Variants in TPR observed in about 807,000 individuals in gnomAD.
TPR encodes the protein nucleoprotein TPR.
In TPR, 51 loss-of-function variants were observed where a neutral mutation model predicts 316.1. The observed-to-expected ratio is 0.16, with a 90% CI of 0.13 to 0.20. The LOEUF (loss-of-function observed/expected upper bound fraction) is 0.20, where lower values mean the gene tolerates loss of function less well. TPR is among the 10% of genes least tolerant of loss of function. The pLI, the probability that TPR is intolerant of heterozygous loss-of-function variation, is 1.00. For synonymous variants in TPR, 981 were observed against 914.7 expected (o/e 1.07, Z -1.31); for missense variants, 2,272 against 2,754.8 (o/e 0.82, Z 3.92).
At chr1:186,366,835 T>TA (rs138321117) in intron 4 of TPR, among the ~76,000 whole-genome samples, 6,860 of 151,990 alleles carry the variant, frequency 0.045, 508 homozygotes, top group African/African-American at 0.16. Context: ...TACACATTTT[T>TA]AAAAAACTAT....
intron 19 of TPR, 139 bp from the exon 20 acceptor site, chr1:186,351,609 A>G: frequency 1.1e-6 from 1 of 886,070 alleles, no homozygotes; most frequent in Non-Finnish European, 1.6e-6. Context: ...TTATCAAGAA[A>G]GTATTCTGGT....
chr1:186,355,864 C>G, intron 15 of TPR, 96 bp from the exon 16 acceptor site: 1 of 1,389,074 alleles, frequency 7.2e-7, no homozygotes, highest in Middle Eastern at 1.9e-4. Flanking sequence ...ATCAAATAAA[C>G]AAGCTAAACT....
intron 48 of TPR, 113 bp downstream of exon 48, chr1:186,318,334 A>G (rs1296785444): frequency 4.3e-6 from 6 of 1,411,078 alleles, no homozygotes; most frequent in Non-Finnish European, 3.8e-6. Context: ...TCTCAAAAAA[A>G]AAAACAAAAA....
At chr1:186,359,276 G>GA (rs1277550676) in intron 12 of TPR, among the ~76,000 whole-genome samples, 1 of 151,860 alleles carries the variant, frequency 6.6e-6, no homozygotes, top group Non-Finnish European at 1.5e-5. Flanking sequence ...CTCTTAAAAG[G>GA]AAAAAATCTT....
chr1:186,322,289 T>C (rs775092006), intron 45 of TPR, 29 bp downstream of exon 45: 5 of 1,577,438 alleles, frequency 3.2e-6, no homozygotes, highest in Non-Finnish European at 4.3e-6. Context: ...TGATTAGTTA[T>C]AAAGTATGTT....
Position 186,312,835 on chromosome 1 carries a change from C to A in TPR, c.*1136G>T. 1 of 1,611,716 alleles carries A rather than the reference C, an allele frequency of 6.2e-7. No individual in the cohort carries two copies. Among genetic ancestry groups the A allele is most frequent in the Non-Finnish European group, 8.5e-7 (1 of 1,177,812 alleles). ...GGACTTCCAAATGTGGTTACCTCAG[C>A]TATATCACTGCCCAACATCAGAAAA... is the stretch of plus-strand genomic sequence containing the variant. On this transcript the variant is annotated 3_prime_UTR_variant, in exon 51 of 51. Transcript: ENST00000367478.
chr1:186,343,693 C>T (rs1658586250), intron 26 of TPR, among the ~76,000 whole-genome samples: 1 of 152,246 alleles, frequency 6.6e-6, no homozygotes, highest in South Asian at 2.1e-4. Context: ...TTTAGTTTTT[C>T]AAGAGAAAAC....
chr1:186,316,208 T>C (rs1254999353), intron 49 of TPR, among the ~76,000 whole-genome samples: 1 of 152,148 alleles, frequency 6.6e-6, no homozygotes, highest in East Asian at 1.9e-4. Flanking sequence ...TAATCATTAA[T>C]ATGATTGTTA....
intron 4 of TPR, among the ~76,000 whole-genome samples, chr1:186,366,357 A>G (rs1444510189): frequency 3.9e-5 from 6 of 152,208 alleles, no homozygotes; most frequent in Non-Finnish European, 1.5e-5. Flanking sequence ...GATTTTCTTA[A>G]CATTTTTTTC....
In TPR at chr1:186,332,441, A is replaced by G; in HGVS notation, c.5456-98T>C. The G allele has an allele frequency of 4.8e-6, 6 of 1,239,516 alleles. No homozygotes were observed. In the Admixed American group the frequency reaches 1.2e-4, roughly 24 times the overall value. 76.8% of individuals were successfully genotyped at this position (1,239,516 alleles called of 1,614,324 possible). ...TGGTCACTTAACTAAAGGAGAACACAGTAAACATTTAATTGTACAGATTAC... is the reference window on the plus strand; with the variant it reads ...TGGTCACTTAACTAAAGGAGAACACGGTAAACATTTAATTGTACAGATTAC... On this transcript the variant is annotated intron_variant, in intron 37 of 50. Coordinates refer to ENST00000367478, the MANE Select transcript of TPR (RefSeq NM_003292.3).
chr1:186,331,811 T>C (rs1190788913), intron 38 of TPR, among the ~76,000 whole-genome samples: 1 of 152,124 alleles, frequency 6.6e-6, no homozygotes, highest in Non-Finnish European at 1.5e-5. Flanking sequence ...GTAGCCTTAA[T>C]GTTTGATTTG....
intron 21 of TPR, among the ~76,000 whole-genome samples, chr1:186,349,971 G>A (rs1658811947): frequency 6.6e-6 from 1 of 152,090 alleles, no homozygotes; most frequent in Admixed American, 6.5e-5. Flanking sequence ...ATAGTTTCAA[G>A]AATTAGAAAG....
chr1:186,370,667 C>G (rs1659494492), intron 3 of TPR, among the ~76,000 whole-genome samples: 1 of 152,096 alleles, frequency 6.6e-6, no homozygotes. Context: ...TATAAAACTA[C>G]CCTAAGGAAA....
At chr1:186,344,173 G>T in intron 25 of TPR, 83 bp from the exon 26 acceptor site, 1 of 1,481,278 alleles carries the variant, frequency 6.8e-7, no homozygotes, top group Non-Finnish European at 9.0e-7. Flanking sequence ...GGTGGCTAAC[G>T]CCTGTAATCC....
At position 186,355,733 on chromosome 1, in the gene TPR, G is replaced by C. The variant is rs931681193; in HGVS notation, c.1924C>G (p.Pro642Ala). 5.6e-6 allele frequency: 9 copies of C among 1,613,962 alleles called. No individual in the cohort carries two copies. In the African/African-American group the frequency reaches 9.3e-5, roughly 17 times the overall value. ...SLDDVSLAST[P>A]KRPSTSQTVS... ...GTCTGTGATGTACTTGGACGTTTTG[G>C]AGTTGATGCAAGAGAAACATCATCT... Residue 642 changes from proline (P) to alanine (A), a missense_variant, in exon 16 of 51, where the codon CCA (proline) becomes GCA (alanine). Pro to Ala is a conservative substitution (Grantham distance 27). This residue lies in a region of TPR where 757 missense variants were observed against 859.8 expected (regional missense o/e 0.88). Coordinates refer to ENST00000367478, the MANE Select transcript of TPR (RefSeq NM_003292.3).
rs772261299 is a variant in TPR, at chr1:186,345,684, T to C, written c.3109A>G (p.Lys1037Glu). Residue 1037 changes from lysine (K) to glutamate (E), a missense_variant, in exon 24 of 51, where the codon AAG becomes GAG. This residue lies in a region of TPR where 757 missense variants were observed against 859.8 expected (regional missense o/e 0.88). Transcript: ENST00000367478. The part of the protein sequence containing the change: ...ESMEQQLSEL[K>E]KTLSSVQNEV... Reference sequence around the variant, plus strand: ...TTCTGAACACTAGAAAGTGTTTTCTTCAATTCAGATAACTAAGCAGAAAGA... The same window carrying C: ...TTCTGAACACTAGAAAGTGTTTTCTCCAATTCAGATAACTAAGCAGAAAGA... 1 of 1,609,010 alleles carries C rather than the reference T, an allele frequency of 6.2e-7. No individual in the cohort carries two copies. Among genetic ancestry groups the C allele is most frequent in the South Asian group, 1.1e-5 (1 of 90,584 alleles).
At position 186,362,335 on chromosome 1, in the gene TPR, C is replaced by A; in HGVS notation, c.742G>T (p.Glu248Ter). Residue 248 changes from glutamate to a stop codon, truncating the protein, a stop_gained, in exon 7 of 51, where the codon GAA becomes TAA. Transcript: ENST00000367478. LOFTEE classifies it high-confidence loss of function. ...EQMNGLKTSN[E>*]HLQKHVEDLL... Reference sequence around the variant, plus strand: ...TCCTCCACATGCTTTTGAAGATGTTCATTTGATGTTTTTAAGCCATTCATT... The same window carrying A: ...TCCTCCACATGCTTTTGAAGATGTTAATTTGATGTTTTTAAGCCATTCATT... 1 of 1,612,234 alleles carries A rather than the reference C, an allele frequency of 6.2e-7. No individual in the cohort carries two copies. Among genetic ancestry groups the A allele is most frequent in the South Asian group, 1.1e-5 (1 of 90,954 alleles).
chr1:186,332,717 C>T (rs994062455), intron 37 of TPR, among the ~76,000 whole-genome samples: 1 of 152,092 alleles, frequency 6.6e-6, no homozygotes, highest in Non-Finnish European at 1.5e-5. Context: ...AAAAAATGTA[C>T]ACTGTATGTA....
chr1:186,325,972 A>G (rs1657919716), intron 41 of TPR, 118 bp from the exon 42 acceptor site: 2 of 1,557,774 alleles, frequency 1.3e-6, no homozygotes, highest in African/African-American at 2.8e-5. Context: ...ATAACAACAA[A>G]AAACAAAACA....
Sources: allele counts gnomAD v4.1 joint callset (sites outside exome capture counted in the v4.1 genomes callset), GRCh38; gene constraint gnomAD v4.1.1; regional missense constraint gnomAD v4.1.1; transcripts MANE v1.5; gene names NCBI Gene and HGNC (gene_info 2026-07-23, HGNC 2026-07-21).